Variants in ABHD17B observed in about 807,000 individuals in gnomAD.
The protein encoded by ABHD17B is alpha/beta hydrolase domain-containing protein 17B.
Under a neutral mutation model 26.2 loss-of-function variants are expected in ABHD17B, and 9 were observed. The ratio of observed to expected loss-of-function variants is 0.34; its 90% CI spans 0.21 to 0.60. The LOEUF (loss-of-function observed/expected upper bound fraction) is 0.60. ABHD17B is among the 20% of genes least tolerant of loss of function. ABHD17B has a pLI of 0.80. For synonymous variants in ABHD17B, 127 were observed against 122.3 expected, an observed-to-expected ratio of 1.04 and a Z score of -0.25; for missense variants, 224 against 352.1, an observed-to-expected ratio of 0.64 and a Z score of 2.91.
chr9:71,877,294 T>C (rs952859917), intron 1 of ABHD17B, among the ~76,000 whole-genome samples: 1 of 152,238 alleles, frequency 6.6e-6, no homozygotes, highest in Non-Finnish European at 1.5e-5. Context: ...CTATGGTTAT[T>C]TGTCAACCCT....
At chr9:71,910,454 G>A (rs1043183426) in intron 1 of ABHD17B, among the ~76,000 whole-genome samples, 180 bp downstream of exon 1, 1 of 152,302 alleles carries the variant, frequency 6.6e-6, no homozygotes, top group Non-Finnish European at 1.5e-5. Flanking sequence ...ACCCGATGAG[G>A]AGTGGCTTCC....
intron 1 of ABHD17B, among the ~76,000 whole-genome samples, chr9:71,879,849 A>G (rs1316620421): frequency 6.6e-6 from 1 of 152,228 alleles, no homozygotes; most frequent in East Asian, 1.9e-4. Flanking sequence ...ACAGAGGCAT[A>G]GAATAGTTAC....
intron 1 of ABHD17B, among the ~76,000 whole-genome samples, chr9:71,907,053 A>G (rs1282006491): frequency 6.6e-6 from 1 of 152,228 alleles, no homozygotes; most frequent in Non-Finnish European, 1.5e-5. Flanking sequence ...TTTTCTATGA[A>G]CATGGGATGT....
At chr9:71,908,465 G>A (rs992584368) in intron 1 of ABHD17B, among the ~76,000 whole-genome samples, 1 of 151,676 alleles carries the variant, frequency 6.6e-6, no homozygotes, top group African/African-American at 2.4e-5. Flanking sequence ...GATTCGACAG[G>A]CAAATGGGGC....
At chr9:71,897,523 A>G (rs183883690) in intron 1 of ABHD17B, among the ~76,000 whole-genome samples, 83 of 152,342 alleles carry the variant, frequency 5.4e-4, no homozygotes, top group African/African-American at 1.9e-3. Context: ...CTCAAAAAAT[A>G]TAAAAAATGA....
intron 1 of ABHD17B, among the ~76,000 whole-genome samples, chr9:71,875,798 T>C (rs143105848): frequency 2.0e-3 from 303 of 152,360 alleles, no homozygotes; most frequent in African/African-American, 6.7e-3. Flanking sequence ...ATAAAGTGAA[T>C]ACATACTAAT....
chr9:71,884,453 T>C (rs747226903), intron 1 of ABHD17B, among the ~76,000 whole-genome samples: 7 of 152,118 alleles, frequency 4.6e-5, no homozygotes, highest in Non-Finnish European at 8.8e-5. Flanking sequence ...CAAAGACTGA[T>C]GACTAGGGAT....
chr9:71,896,161 C>A (rs1826946381), intron 1 of ABHD17B, among the ~76,000 whole-genome samples: 1 of 152,156 alleles, frequency 6.6e-6, no homozygotes, highest in Admixed American at 6.5e-5. Context: ...ACATTTGTTA[C>A]AAAATAAACC....
intron 1 of ABHD17B, among the ~76,000 whole-genome samples, chr9:71,877,698 A>T (rs1826319842): frequency 6.6e-6 from 1 of 152,198 alleles, no homozygotes; most frequent in African/African-American, 2.4e-5. Flanking sequence ...GATTACAGGC[A>T]TGAGCCACCG....
chr9:71,890,560 G>T (rs1390193100), intron 1 of ABHD17B, among the ~76,000 whole-genome samples: 1 of 151,982 alleles, frequency 6.6e-6, no homozygotes, highest in African/African-American at 2.4e-5. Flanking sequence ...CTCATTAATT[G>T]GATAATAAAA....
intron 3 of ABHD17B, among the ~76,000 whole-genome samples, chr9:71,868,220 G>GA (rs895807808): frequency 4.0e-5 from 6 of 150,010 alleles, no homozygotes; most frequent in East Asian, 2.0e-4. Flanking sequence ...CTCTGTCTCA[G>GA]AAAAAAAAAG....
chr9:71,875,776 T>A (rs1826256373), intron 1 of ABHD17B, among the ~76,000 whole-genome samples: 1 of 152,210 alleles, frequency 6.6e-6, no homozygotes, highest in Non-Finnish European at 1.5e-5. Context: ...ATGGAGAAGC[T>A]AGGAATTTAG....
At chr9:71,896,217 T>C (rs1018447292) in intron 1 of ABHD17B, among the ~76,000 whole-genome samples, 1 of 152,186 alleles carries the variant, frequency 6.6e-6, no homozygotes, top group Non-Finnish European at 1.5e-5. Flanking sequence ...TGAATGCTCA[T>C]TCTGTCCCCA....
intron 1 of ABHD17B, among the ~76,000 whole-genome samples, chr9:71,886,223 A>T (rs998670936): frequency 1.3e-5 from 2 of 152,132 alleles, no homozygotes; most frequent in Admixed American, 1.3e-4. Context: ...CATACACATT[A>T]CAGAGTTTAG....
chr9:71,894,795 C>T (rs1826906125), intron 1 of ABHD17B, among the ~76,000 whole-genome samples: 1 of 152,010 alleles, frequency 6.6e-6, no homozygotes, highest in Admixed American at 6.6e-5. Flanking sequence ...ATGGCACTAC[C>T]AGTCTAGGTG....
chr9:71,862,464 T>A (rs907624551), downstream of ABHD17B: 56 of 1,194,550 alleles, frequency 4.7e-5, no homozygotes, highest in Middle Eastern at 2.2e-4. Context: ...GGAGAGCAAA[T>A]AAGTTTATGT....
At chr9:71,887,514 CAT>C (rs535206776) in intron 1 of ABHD17B, among the ~76,000 whole-genome samples, 8 of 152,198 alleles carry the variant, frequency 5.3e-5, no homozygotes, top group African/African-American at 1.4e-4. Flanking sequence ...TCACTCTCCA[CAT>C]ATGATTATTT....
At position 71,883,886 on chromosome 9, in the gene ABHD17B, G is replaced by A. The variant is rs190627011; in HGVS notation, c.-3-8803C>T. ...TGGGAGGCAGAGGTTGCAGTGAGCC[G>A]AGATTGCATCATTGCACTACAGCTT... On this transcript the variant is annotated intron_variant, in intron 1 of 3. Coordinates refer to ENST00000333421, the MANE Select transcript of ABHD17B (RefSeq NM_001025780.3). Among the ~76,000 whole-genome samples, 9 of 152,098 alleles carry A rather than the reference G, an allele frequency of 5.9e-5. No homozygotes were observed. In the East Asian group the frequency reaches 7.7e-4, roughly 13 times the overall value.
At chr9:71,888,171 T>C (rs560360807) in intron 1 of ABHD17B, among the ~76,000 whole-genome samples, 6 of 152,354 alleles carry the variant, frequency 3.9e-5, no homozygotes, top group South Asian at 4.1e-4. Context: ...GATGGAGCAG[T>C]AAAATAGGTT....
Sources: gnomAD v4.1 joint callset for allele counts (sites outside exome capture counted in the v4.1 genomes callset) on GRCh38, gnomAD v4.1.1 for gene constraint, MANE v1.5 for transcripts, NCBI Gene and HGNC (gene_info 2026-07-23, HGNC 2026-07-21) for gene names.